Variants in EZH2 observed in about 807,000 individuals in gnomAD.
The protein encoded by EZH2 is histone-lysine N-methyltransferase EZH2.
A neutral mutation model predicts 98.4 loss-of-function variants in EZH2; 18 were observed. The ratio of observed to expected loss-of-function variants is 0.18; its 90% CI spans 0.13 to 0.27. The LOEUF is 0.27. Among genes scored for constraint, EZH2 ranks in the 10% least tolerant of loss-of-function variants. The pLI is 1.00. For missense variants in EZH2, 470 were observed against 935.1 expected (o/e 0.50, Z 6.49); for synonymous variants, 338 against 312.3 (o/e 1.08, Z -0.87).
At chr7:148,847,352 A>C in intron 1 of EZH2, 47 bp from the exon 2 acceptor site, 1 of 1,605,752 alleles carries the variant, frequency 6.2e-7, no homozygotes, top group South Asian at 1.1e-5. Context: ...AACCAGCCTG[A>C]ATATGATCAC....
chr7:148,812,392 A>G (rs1445855767), intron 15 of EZH2, among the ~76,000 whole-genome samples: 6 of 152,206 alleles, frequency 3.9e-5, no homozygotes, highest in African/African-American at 1.4e-4. Flanking sequence ...AACATATGCC[A>G]ATTTTTCATC....
chr7:148,833,126 G>A (rs894144245), intron 3 of EZH2, among the ~76,000 whole-genome samples: 1 of 152,136 alleles, frequency 6.6e-6, no homozygotes, highest in Non-Finnish European at 1.5e-5. Flanking sequence ...ATAGTAATAT[G>A]TATACCAAAT....
At chr7:148,836,075 T>C (rs1182228565) in intron 3 of EZH2, among the ~76,000 whole-genome samples, 1 of 152,132 alleles carries the variant, frequency 6.6e-6, no homozygotes, top group Non-Finnish European at 1.5e-5. Flanking sequence ...AGACAAGAAA[T>C]AAGCTCTCTG....
chr7:148,807,520 A>ATTCTTACAGTACT lies in EZH2; in HGVS notation c.*113_*125dup. 1 of 754,678 alleles carries ATTCTTACAGTACT rather than the reference A, an allele frequency of 1.3e-6. No individual in the cohort carries two copies. The highest frequency in any genetic ancestry group is 2.7e-5 in the East Asian group (1 of 36,808). 46.7% of individuals were successfully genotyped at this position (754,678 alleles called of 1,614,324 possible). A position where few individuals can be genotyped will look rare whatever the true frequency, so the allele number is the denominator to read the frequency against. On this transcript the variant is annotated 3_prime_UTR_variant, in exon 20 of 20. Coordinates refer to ENST00000320356, the MANE Select transcript of EZH2 (RefSeq NM_004456.5). Reference sequence around the variant, plus strand: ...ATTTTTAAACTCATTACTATAAATTATTCTTACAGTACTTTGCAAATTCAG... The same window carrying ATTCTTACAGTACT: ...ATTTTTAAACTCATTACTATAAATTATTCTTACAGTACTTTCTTACAGTACTTTGCAAATTCAG...
intron 1 of EZH2, among the ~76,000 whole-genome samples, chr7:148,859,856 A>G (rs1305866727): frequency 6.6e-6 from 1 of 152,250 alleles, no homozygotes; most frequent in Non-Finnish European, 1.5e-5. Flanking sequence ...AATTTTGATC[A>G]GGCATTAAAA....
intron 3 of EZH2, among the ~76,000 whole-genome samples, chr7:148,838,844 G>C (rs1241756092): frequency 6.6e-6 from 1 of 152,128 alleles, no homozygotes; most frequent in Non-Finnish European, 1.5e-5. Context: ...CTTGAGGTCA[G>C]GAGTTCAAGA....
At chr7:148,883,559 G>A (rs1343127516) in intron 1 of EZH2, 2 of 150,182 alleles carry the variant, frequency 1.3e-5, no homozygotes, top group South Asian at 2.1e-4. Flanking sequence ...GGGACCGGGG[G>A]CGTGCGCGAG....
chr7:148,832,907 TTC>T lies in EZH2; in HGVS notation c.247-159_247-158del, dbSNP rs773332470. Among the ~76,000 whole-genome samples the T allele has an allele frequency of 2.6e-4, 40 of 152,248 alleles. No homozygotes were observed. In the East Asian group the frequency reaches 5.8e-3, roughly 22 times the overall value. The stretch of plus-strand genomic sequence containing the variant: ...AAGTGGTCATATAAACCAAATAGGA[TTC>T]TCTCTTTTCTTTTACTTAGGGTGCA... On this transcript the variant is annotated intron_variant, in intron 3 of 19. Transcript: ENST00000320356.
chr7:148,834,828 G>A (rs1444096656), intron 3 of EZH2, among the ~76,000 whole-genome samples: 2 of 152,266 alleles, frequency 1.3e-5, no homozygotes, highest in South Asian at 2.1e-4. Context: ...TATTGAGCAC[G>A]TACTATGTTG....
intron 3 of EZH2, among the ~76,000 whole-genome samples, chr7:148,837,900 T>C (rs1461673536): frequency 6.6e-6 from 1 of 152,204 alleles, no homozygotes; most frequent in Non-Finnish European, 1.5e-5. Flanking sequence ...TACAGACCAA[T>C]TCCACATTGG....
chr7:148,845,623 T>C (rs1468243487), intron 3 of EZH2, among the ~76,000 whole-genome samples: 1 of 152,230 alleles, frequency 6.6e-6, no homozygotes, highest in East Asian at 1.9e-4. Flanking sequence ...GTTACAATAA[T>C]GTTATATTAA....
chr7:148,828,536 C>T (rs1808408926), intron 6 of EZH2, among the ~76,000 whole-genome samples: 1 of 152,044 alleles, frequency 6.6e-6, no homozygotes. Flanking sequence ...GCAATCTGCC[C>T]ACCTTAGCCT....
chr7:148,821,950 T>C (rs1325306279), intron 8 of EZH2, among the ~76,000 whole-genome samples: 1 of 152,200 alleles, frequency 6.6e-6, no homozygotes, highest in African/African-American at 2.4e-5. Context: ...GAACACAATG[T>C]TGAGAAACCC....
chr7:148,849,264 G>A (rs1398199777), intron 1 of EZH2, among the ~76,000 whole-genome samples: 1 of 152,128 alleles, frequency 6.6e-6, no homozygotes, highest in East Asian at 1.9e-4. Context: ...GGCAGGAAAG[G>A]TAACAAGGAA....
chr7:148,812,302 T>C (rs1029283372), intron 15 of EZH2, among the ~76,000 whole-genome samples: 4 of 152,216 alleles, frequency 2.6e-5, no homozygotes, highest in Non-Finnish European at 5.9e-5. Flanking sequence ...ATCATGATCT[T>C]GTCAGTCCAG....
intron 2 of EZH2, among the ~76,000 whole-genome samples, 169 bp downstream of exon 2, chr7:148,847,013 A>G (rs1814326817): frequency 6.6e-6 from 1 of 152,168 alleles, no homozygotes; most frequent in African/African-American, 2.4e-5. Flanking sequence ...ATTAATGTGC[A>G]TGGTATAATG....
rs372285596 is a variant in EZH2 at position 148,826,597 on chromosome 7, G to A, written c.764C>T (p.Ala255Val). The A allele has an allele frequency of 4.5e-6, 7 of 1,557,870 alleles. No homozygotes were observed. The highest frequency in any genetic ancestry group is 6.1e-6 in the Non-Finnish European group (7 of 1,149,044). ...GTTGGGGGTACATTCAGGAGGAAGTGCGCCTGGGAGCTGCTGTTCGGTGAG... is the reference window on the plus strand; with the variant it reads ...GTTGGGGGTACATTCAGGAGGAAGTACGCCTGGGAGCTGCTGTTCGGTGAG... ...KELTEQQLPGALPPECTPNID... is the reference protein window; with the variant it reads ...KELTEQQLPGVLPPECTPNID... The change falls in exon 8 of 20, where the codon GCA becomes GTA. Residue 255 changes from alanine to valine, a missense_variant. Ala to Val is a moderately conservative substitution (Grantham distance 64). Transcript: ENST00000320356.
intron 1 of EZH2, among the ~76,000 whole-genome samples, chr7:148,882,552 TAAAC>T (rs1563084831): frequency 1.3e-5 from 2 of 152,190 alleles, no homozygotes; most frequent in Non-Finnish European, 2.9e-5. Context: ...AAATTACAAA[TAAAC>T]AAGTTAGGAT....
chr7:148,852,592 C>T (rs1459071419), intron 1 of EZH2, among the ~76,000 whole-genome samples: 1 of 152,208 alleles, frequency 6.6e-6, no homozygotes, highest in East Asian at 1.9e-4. Context: ...GCTCACTCTT[C>T]TCCCCTTAGG....
Sources: allele counts gnomAD v4.1 joint callset (sites outside exome capture counted in the v4.1 genomes callset), GRCh38; gene constraint gnomAD v4.1.1; transcripts MANE v1.5; gene names NCBI Gene and HGNC (gene_info 2026-07-23, HGNC 2026-07-21).